Variants in ULK4 observed in about 807,000 individuals in gnomAD.
The protein encoded by ULK4 is unc-51 like kinase 4, also known as inactive serine/threonine-protein kinase ULK4.
Under a neutral mutation model 160.6 loss-of-function variants are expected in ULK4, and 133 were observed. The observed-to-expected ratio is 0.83, with a 90% CI of 0.72 to 0.96. The LOEUF is 0.96. Among genes scored for constraint, ULK4 ranks in the 40% least tolerant of loss-of-function variants. The pLI, the probability that ULK4 is intolerant of heterozygous loss-of-function variation, is 0.00. For missense variants in ULK4, 1,580 were observed against 1,499.5 expected, an observed-to-expected ratio of 1.05 and a Z score of -0.89; for synonymous variants, 534 against 539.8, an observed-to-expected ratio of 0.99 and a Z score of 0.15.
intron 32 of ULK4, among the ~76,000 whole-genome samples, chr3:41,523,015 G>C (rs570802375): frequency 6.6e-6 from 1 of 152,080 alleles, no homozygotes; most frequent in Non-Finnish European, 1.5e-5. Flanking sequence ...AGGTTCAAGC[G>C]ATTCTGCCTC....
intron 35 of ULK4, among the ~76,000 whole-genome samples, chr3:41,289,205 T>C (rs1432820778): frequency 2.6e-5 from 4 of 152,244 alleles, no homozygotes; most frequent in Non-Finnish European, 5.9e-5. Context: ...ATAAACCACA[T>C]GCTAAAAATG....
At chr3:41,928,782 A>G (rs1699479642) in intron 5 of ULK4, among the ~76,000 whole-genome samples, 1 of 152,178 alleles carries the variant, frequency 6.6e-6, no homozygotes, top group Admixed American at 6.5e-5. Flanking sequence ...TCCCAAGTCT[A>G]AACCAGGAAG....
chr3:41,386,620 G>A (rs1327672752), intron 35 of ULK4, among the ~76,000 whole-genome samples: 1 of 152,130 alleles, frequency 6.6e-6, no homozygotes, highest in African/African-American at 2.4e-5. Flanking sequence ...TAAATCTAGA[G>A]CCAAACTTAG....
rs2040417415 is a variant in ULK4 at position 41,800,217 on chromosome 3, C to T, written c.1925G>A (p.Gly642Asp). 1 of 1,613,642 alleles carries T rather than the reference C, an allele frequency of 6.2e-7. No individual in the cohort carries two copies. ...GGGTCCTATTTCTCCTGTAATAAAG[C>T]CCTGGGACTGAGCAGAAAAGGTGGT... ...VCTTFSAQSQ[G>D]FITGEIGPIL... The change falls in exon 20 of 37, where the codon GGC (glycine) becomes GAC (aspartate). Residue 642 changes from glycine (G) to aspartate (D), a missense_variant. By Grantham distance (94) the Gly-to-Asp change is moderately conservative. Coordinates refer to ENST00000301831, the MANE Select transcript of ULK4 (RefSeq NM_017886.4).
rs55923917 is a variant in ULK4, at chr3:41,748,882, C to A, written c.2321+5479G>T. 5.8e-3 allele frequency among the ~76,000 whole-genome samples: 890 copies of A among 152,266 alleles called. 6 individuals are homozygous for A. Among genetic ancestry groups the A allele is most frequent in the Admixed American group, 8.7e-3 (133 of 15,304 alleles). On this transcript the variant is annotated intron_variant, in intron 22 of 36. Coordinates refer to ENST00000301831, the MANE Select transcript of ULK4 (RefSeq NM_017886.4). ...TGATTCCATGGCTGTGTACAGACAT[C>A]TTCCTTGTGCCTTTCCACAACTGCG...
chr3:41,519,295 A>G (rs183484381), intron 32 of ULK4, among the ~76,000 whole-genome samples: 233 of 152,342 alleles, frequency 1.5e-3, no homozygotes, highest in African/African-American at 4.7e-3. Context: ...AGGCAGACAC[A>G]TATCTGAAGA....
intron 32 of ULK4, among the ~76,000 whole-genome samples, chr3:41,489,495 G>A (rs557117399): frequency 6.6e-6 from 1 of 152,226 alleles, no homozygotes; most frequent in East Asian, 1.9e-4. Context: ...CTCATGTAAG[G>A]AAGCCAAATC....
intron 35 of ULK4, among the ~76,000 whole-genome samples, chr3:41,301,556 A>G (rs780745855): frequency 1.3e-5 from 2 of 152,332 alleles, no homozygotes; most frequent in Admixed American, 1.3e-4. Flanking sequence ...AGAGTTGATC[A>G]TTATTTTCTA....
chr3:41,530,971 C>T (rs931379975), intron 32 of ULK4, among the ~76,000 whole-genome samples: 7 of 151,016 alleles, frequency 4.6e-5, no homozygotes, highest in Admixed American at 3.3e-4. Flanking sequence ...ACCACGTTGG[C>T]CAAGATGGTC....
chr3:41,303,673 T>C (rs78821272), intron 35 of ULK4, among the ~76,000 whole-genome samples: 3,201 of 152,220 alleles, frequency 0.021, 75 homozygotes, highest in African/African-American at 0.065. Context: ...AGATCACAGC[T>C]GTAAAGGCGC....
At chr3:41,890,419 C>G (rs948291313) in intron 16 of ULK4, among the ~76,000 whole-genome samples, 1 of 152,042 alleles carries the variant, frequency 6.6e-6, no homozygotes, top group African/African-American at 2.4e-5. Context: ...GTGGCTCACA[C>G]CTGTAATCCC....
At chr3:41,258,100 G>A (rs1485074627) in intron 35 of ULK4, among the ~76,000 whole-genome samples, 4 of 152,118 alleles carry the variant, frequency 2.6e-5, no homozygotes, top group African/African-American at 4.8e-5. Flanking sequence ...GGCCGCTGAA[G>A]GTTGTAAATT....
chr3:41,935,586 C>T (rs1341850945), intron 4 of ULK4, among the ~76,000 whole-genome samples: 1 of 151,870 alleles, frequency 6.6e-6, no homozygotes, highest in Non-Finnish European at 1.5e-5. Context: ...GTCTCGAACT[C>T]CTGACCTCAA....
Position 41,919,738 on chromosome 3 carries a change from G to A in ULK4, c.622C>T (p.Leu208=), listed in dbSNP as rs1366169019. 3.1e-6 allele frequency: 5 copies of A among 1,613,822 alleles called. No individual in the cohort carries two copies. The highest frequency in any genetic ancestry group is 4.2e-6 in the Non-Finnish European group (5 of 1,179,922). The part of the protein sequence containing the change: ...ISSDLWSLGC[L]LYEMFSGKPP... ...TTACCTGAAAACATTTCATAAAGCA[G>A]ACAGCCCAAAGACCAGAGGTCACTG... is the stretch of plus-strand genomic sequence containing the variant. Residue 208 remains leucine (L), a synonymous_variant, in exon 6 of 37, where the codon CTG becomes TTG. Coordinates refer to ENST00000301831, the MANE Select transcript of ULK4 (RefSeq NM_017886.4).
At chr3:41,590,435 G>A (rs1232509899) in intron 31 of ULK4, among the ~76,000 whole-genome samples, 1 of 111,008 alleles carries the variant, frequency 9.0e-6, no homozygotes, top group African/African-American at 3.7e-5. Flanking sequence ...GACCAATATG[G>A]TAAAACCCCG....
intron 22 of ULK4, among the ~76,000 whole-genome samples, chr3:41,718,372 GTT>G (rs1462202961): frequency 6.6e-6 from 1 of 152,174 alleles, no homozygotes; most frequent in African/African-American, 2.4e-5. Flanking sequence ...TTATCTACTA[GTT>G]TTATGATACC....
chr3:41,566,659 G>GT (rs2087793435), intron 31 of ULK4, among the ~76,000 whole-genome samples: 1 of 152,124 alleles, frequency 6.6e-6, no homozygotes, highest in Non-Finnish European at 1.5e-5. Flanking sequence ...ATAGTAGGCA[G>GT]TAACTTAGGT....
intron 19 of ULK4, among the ~76,000 whole-genome samples, chr3:41,805,074 A>G (rs184750034): frequency 0.012 from 1,868 of 152,278 alleles, 9 homozygotes; most frequent in African/African-American, 0.04. Flanking sequence ...TATCTTGGGC[A>G]GTATGGCCAT....
At chr3:41,665,815 G>A (rs1000519617) in intron 29 of ULK4, among the ~76,000 whole-genome samples, 1 of 152,116 alleles carries the variant, frequency 6.6e-6, no homozygotes, top group Non-Finnish European at 1.5e-5. Flanking sequence ...CTTTCTCCAT[G>A]AATTCTTATG....
Sources: allele counts gnomAD v4.1 joint callset (sites outside exome capture counted in the v4.1 genomes callset), GRCh38; gene constraint gnomAD v4.1.1; transcripts MANE v1.5; gene names NCBI Gene and HGNC (gene_info 2026-07-23, HGNC 2026-07-21).